The following PIK3CD variants were observed in gnomAD, a reference collection of about 807,000 sequenced individuals.
The protein encoded by PIK3CD is phosphatidylinositol-4,5-bisphosphate 3-kinase catalytic subunit delta, also known as phosphatidylinositol 4,5-bisphosphate 3-kinase catalytic subunit delta isoform.
In PIK3CD, 20 loss-of-function variants were observed where a neutral mutation model predicts 122.9. That is an observed-to-expected ratio of 0.16 (90% CI 0.11 to 0.24). PIK3CD has a LOEUF of 0.24. Among genes scored for constraint, PIK3CD ranks in the 10% least tolerant of loss-of-function variants. The probability of loss-of-function intolerance (pLI) is 1.00; values close to 1 mark genes in which losing one functional copy is unlikely to be tolerated. For synonymous variants in PIK3CD, 596 were observed against 593.4 expected (o/e 1.00, Z -0.06); for missense variants, 787 against 1,406.3 (o/e 0.56, Z 7.04).
chr1:9,727,090 C>T lies in PIK3CD; in HGVS notation c.*44C>T, dbSNP rs758868409. 29 of 1,612,490 alleles carry T rather than the reference C, an allele frequency of 1.8e-5. No homozygotes were observed. The highest frequency in any genetic ancestry group is 5.0e-5 in the Admixed American group (3 of 59,866). On this transcript the variant is annotated 3_prime_UTR_variant, in exon 24 of 24. Transcript: ENST00000377346. ...GGCCCAAGAGGAGGCGGCTGCGGGT[C>T]GTGGGGACCAAGCACATTGGTCCTA...
intron 1 of PIK3CD, among the ~76,000 whole-genome samples, chr1:9,655,729 G>T (rs1448164921): frequency 2.3e-5 from 3 of 127,866 alleles, no homozygotes; most frequent in East Asian, 2.3e-4. Context: ...ACGGAGTCTC[G>T]CTTTGTCGCC....
At chr1:9,648,367 T>G (rs1252539051), upstream of PIK3CD, among the ~76,000 whole-genome samples, 1 of 152,224 alleles carries the variant, frequency 6.6e-6, no homozygotes, top group Non-Finnish European at 1.5e-5. Flanking sequence ...CAAATACATA[T>G]TCAATGAAGA....
chr1:9,685,748 C>T (rs1359459250), intron 1 of PIK3CD, among the ~76,000 whole-genome samples: 2 of 152,220 alleles, frequency 1.3e-5, no homozygotes, highest in African/African-American at 4.8e-5. Context: ...CTATCAATAG[C>T]GCACTGCAGC....
Position 9,721,482 on chromosome 1 carries a change from A to G in PIK3CD, c.1850A>G (p.Gln617Arg). Residue 617 changes from glutamine (Q) to arginine (R), a missense_variant, in exon 15 of 24, where the codon CAG (glutamine) becomes CGG (arginine). Gln to Arg is a conservative substitution (Grantham distance 43). Transcript: ENST00000377346. Reference protein sequence around the residue: ...ELFQYLLQLVQVLKYESYLDC... With the variant: ...ELFQYLLQLVRVLKYESYLDC... ...TTCCAGTACCTGCTGCAGCTGGTGCAGGTGCTCAAGTACGAGTCCTACCTG... is the reference window on the plus strand; with the variant it reads ...TTCCAGTACCTGCTGCAGCTGGTGCGGGTGCTCAAGTACGAGTCCTACCTG... The G allele has an allele frequency of 6.2e-7, 1 of 1,613,772 alleles. No individual in the cohort carries two copies. Among genetic ancestry groups the G allele is most frequent in the East Asian group, 2.2e-5 (1 of 44,866 alleles).
chr1:9,698,824 G>A (rs1646516125), intron 2 of PIK3CD, among the ~76,000 whole-genome samples: 1 of 152,146 alleles, frequency 6.6e-6, no homozygotes, highest in Non-Finnish European at 1.5e-5. Context: ...ATGATGATGA[G>A]ATGGTGGGGA....
chr1:9,677,354 T>C (rs748359780), intron 1 of PIK3CD, among the ~76,000 whole-genome samples: 30 of 152,164 alleles, frequency 2.0e-4, no homozygotes, highest in Non-Finnish European at 2.9e-4. Context: ...ATCTTAAGAT[T>C]GCAGCAGCAG....
rs1646136604 is a variant in PIK3CD at position 9,689,919 on chromosome 1, A to G, written c.-137-1548A>G. On this transcript the variant is annotated intron_variant, in intron 1 of 23. Coordinates refer to ENST00000377346, the MANE Select transcript of PIK3CD (RefSeq NM_005026.5). The surrounding 1 kb of genome is among the most constrained non-coding windows in gnomAD (Gnocchi z 6.1). ...GGGTTGCGTTCGCGGTGGGATTCTCAGCTATGGGCCGCGCGACGCTCTCCT... is the reference window on the plus strand; with the variant it reads ...GGGTTGCGTTCGCGGTGGGATTCTCGGCTATGGGCCGCGCGACGCTCTCCT... 6.6e-6 allele frequency among the ~76,000 whole-genome samples: 1 copy of G among 151,942 alleles called. No individual in the cohort carries two copies. The highest frequency in any genetic ancestry group is 2.4e-5 in the African/African-American group (1 of 41,380).
chr1:9,665,214 A>C (rs76986992), intron 1 of PIK3CD, among the ~76,000 whole-genome samples: 3,648 of 151,758 alleles, frequency 0.024, 78 homozygotes, highest in Non-Finnish European at 0.039. Flanking sequence ...AAAAAAAAAA[A>C]AAAAAAAAAC....
Position 9,720,171 on chromosome 1 carries a change from A to G in PIK3CD, c.1399A>G (p.Ser467Gly). 2.5e-6 allele frequency: 4 copies of G among 1,612,982 alleles called. No individual in the cohort carries two copies. Among genetic ancestry groups the G allele is most frequent in the Non-Finnish European group, 3.4e-6 (4 of 1,179,916 alleles). The change falls in exon 11 of 24, where the codon AGC (serine) becomes GGC (glycine). Residue 467 changes from serine to glycine, a missense_variant. Ser to Gly is a moderately conservative substitution (Grantham distance 56). Coordinates refer to ENST00000377346, the MANE Select transcript of PIK3CD (RefSeq NM_005026.5). The surrounding 1 kb of genome is among the most constrained non-coding windows in gnomAD (Gnocchi z 9.0). ...TGTGCGCAGTAACCCCAACACGGAT[A>G]GCGCCGCTGCCCTGCTCATCTGCCT... The part of the protein sequence containing the change: ...GTVRSNPNTD[S>G]AAALLICLPE...
rs377713059 is a variant in PIK3CD at position 9,715,646 on chromosome 1, G to C, written c.247G>C (p.Glu83Gln). The change falls in exon 4 of 24, where the codon GAG becomes CAG. Residue 83 changes from glutamate to glutamine, a missense_variant. Transcript: ENST00000377346. The surrounding 1 kb of genome is among the most constrained non-coding windows in gnomAD (Gnocchi z 4.1). ...CCAGACAGCGGAGCAGCAAGAGCTG[G>C]AGGACGAGCAACGGCGTCTGTGTGA... The part of the protein sequence containing the change: ...INQTAEQQEL[E>Q]DEQRRLCDVQ... The C allele has an allele frequency of 6.2e-7, 1 of 1,613,802 alleles. No homozygotes were observed. The highest frequency in any genetic ancestry group is 8.5e-7 in the Non-Finnish European group (1 of 1,180,048).
At chr1:9,643,908 C>G in the PIK3CD span, among the ~76,000 whole-genome samples, 1 of 152,148 alleles carries the variant, frequency 6.6e-6, no homozygotes, top group African/African-American at 2.4e-5. Flanking sequence ...TCTGCCTCGC[C>G]TGGAAGGAAA....
At chr1:9,696,189 C>T (rs1160805160) in intron 2 of PIK3CD, among the ~76,000 whole-genome samples, 5 of 151,894 alleles carry the variant, frequency 3.3e-5, no homozygotes, top group African/African-American at 1.2e-4. Context: ...CCAGGCTGGT[C>T]TCAAATTTCT....
Position 9,722,691 on chromosome 1 carries a change from G to A in PIK3CD, c.2426+85G>A. ...CCCTGGAGGGGTCCTTGTTGAAGGT[G>A]GCATGACCATCTCAGCCGGGGAAAG... On this transcript the variant is annotated intron_variant, in intron 19 of 23. Transcript: ENST00000377346. The surrounding 1 kb of genome is among the most constrained non-coding windows in gnomAD (Gnocchi z 7.6). The A allele has an allele frequency of 8.5e-7, 1 of 1,170,172 alleles. No individual in the cohort carries two copies. Among genetic ancestry groups the A allele is most frequent in the Non-Finnish European group, 1.3e-6 (1 of 782,128 alleles). 72.5% of individuals were successfully genotyped at this position (1,170,172 alleles called of 1,614,324 possible). A position where few individuals can be genotyped will look rare whatever the true frequency, so the allele number is the denominator to read the frequency against.
rs1443300936 is a variant in PIK3CD, at chr1:9,715,445, C to T, written c.142-96C>T. ...GCCTCTGCCCTCTGGGAGGTTTGGA[C>T]CCCCAGGCTGGAGGCCAGCTCTCCA... On this transcript the variant is annotated intron_variant, in intron 3 of 23. Transcript: ENST00000377346. The surrounding 1 kb of genome is among the most constrained non-coding windows in gnomAD (Gnocchi z 4.1). 5 of 1,066,746 alleles carry T rather than the reference C, an allele frequency of 4.7e-6. No individual in the cohort carries two copies. The East Asian group carries it at 7.6e-5, about 16-fold the overall frequency. The allele number at this position is 1,066,746 out of a possible 1,614,324, so 66.1% of individuals were successfully genotyped here.
Position 9,663,013 on chromosome 1 carries a change from AT to A in PIK3CD, c.-138+11213del, listed in dbSNP as rs1180334513. Among the ~76,000 whole-genome samples the A allele has an allele frequency of 5.3e-5, 8 of 151,940 alleles. No homozygotes were observed. The East Asian group carries it at 1.5e-3, about 29-fold the overall frequency. On this transcript the variant is annotated intron_variant, in intron 1 of 23. Coordinates refer to ENST00000377346, the MANE Select transcript of PIK3CD (RefSeq NM_005026.5). The stretch of plus-strand genomic sequence containing the variant: ...AGCGGTTCCATTTCTTTATCAAACT[AT>A]TGCTCTGCGGAGGCTGTCTCTCTGT...
Position 9,722,648 on chromosome 1 carries a change from C to A in PIK3CD, c.2426+42C>A. 6.5e-7 allele frequency: 1 copy of A among 1,537,894 alleles called. No individual in the cohort carries two copies. The highest frequency in any genetic ancestry group is 9.0e-7 in the Non-Finnish European group (1 of 1,111,310). ...CACATCGTCCCTTGGTGTCTGTGCC[C>A]AGCCTGGGAGTCTGTGCCCCTGGAG... On this transcript the variant is annotated intron_variant, in intron 19 of 23. Transcript: ENST00000377346. This position sits in a 1 kb window ranked among gnomAD's most constrained non-coding sequence, Gnocchi z 7.6.
chr1:9,654,629 C>G (rs986157252), intron 1 of PIK3CD: 1 of 363,984 alleles, frequency 2.7e-6, no homozygotes, highest in Non-Finnish European at 5.4e-6. Context: ...TGAAGCAATT[C>G]CCCTTTGGCT....
rs1210994439 is a variant in PIK3CD, at chr1:9,718,154, C to T, written c.1020+528C>T. 4 of 463,640 alleles carry T rather than the reference C, an allele frequency of 8.6e-6. No individual in the cohort carries two copies. The highest frequency in any genetic ancestry group is 7.9e-5 in the African/African-American group (4 of 50,396). 28.7% of individuals were successfully genotyped at this position (463,640 alleles called of 1,614,324 possible). A position where few individuals can be genotyped will look rare whatever the true frequency, so the allele number is the denominator to read the frequency against. ...TTGCTGGACATGATACCTGAGTCCT[C>T]AGAGGTTGGCCCTCCTGCCTGGAGT... On this transcript the variant is annotated intron_variant, in intron 8 of 23. Coordinates refer to ENST00000377346, the MANE Select transcript of PIK3CD (RefSeq NM_005026.5). The surrounding 1 kb of genome is among the most constrained non-coding windows in gnomAD (Gnocchi z 7.2).
upstream of PIK3CD, among the ~76,000 whole-genome samples, chr1:9,650,549 A>C (rs1018125599): frequency 1.3e-5 from 2 of 152,160 alleles, no homozygotes; most frequent in African/African-American, 4.8e-5. Context: ...GCTTGAACCC[A>C]GGATGCAGAG....
Sources: allele counts gnomAD v4.1 joint callset (sites outside exome capture counted in the v4.1 genomes callset), GRCh38; gene constraint gnomAD v4.1.1; non-coding constraint Gnocchi (gnomAD v3.1); transcripts MANE v1.5; gene names NCBI Gene and HGNC (gene_info 2026-07-23, HGNC 2026-07-21).